SPIDR: variants seen among roughly 807,000 people sequenced by gnomAD.
The protein encoded by SPIDR is scaffold protein involved in DNA repair, also known as DNA repair-scaffolding protein.
A neutral mutation model predicts 104.6 loss-of-function variants in SPIDR; 93 were observed. That is an observed-to-expected ratio of 0.89 (90% CI 0.75 to 1.06). SPIDR has a LOEUF of 1.06. Ranked by LOEUF, SPIDR falls within the 50% of genes least tolerant of loss-of-function variation. The pLI, the probability that SPIDR is intolerant of heterozygous loss-of-function variation, is 0.00. For synonymous variants in SPIDR, 431 were observed against 416.9 expected (o/e 1.03, Z -0.41); for missense variants, 1,154 against 1,111.2 (o/e 1.04, Z -0.55).
At chr8:47,647,680 G>A (rs1377077264) in intron 10 of SPIDR, among the ~76,000 whole-genome samples, 2 of 142,788 alleles carry the variant, frequency 1.4e-5, no homozygotes, top group Non-Finnish European at 3.0e-5. Context: ...GAGAGAGGGA[G>A]AGAGAGAGAG....
At chr8:47,670,164 G>C (rs1397290902) in intron 10 of SPIDR, among the ~76,000 whole-genome samples, 1 of 152,058 alleles carries the variant, frequency 6.6e-6, no homozygotes, top group Admixed American at 6.6e-5. Flanking sequence ...ATGCAGCCTG[G>C]TCCTACCTCC....
chr8:47,337,530 C>T (rs1269348075), intron 5 of SPIDR, among the ~76,000 whole-genome samples: 1 of 150,542 alleles, frequency 6.6e-6, no homozygotes, highest in Admixed American at 6.6e-5. Context: ...TATTTTTTCC[C>T]ATCATTGGGT....
chr8:47,692,979 G>A (rs955841266), intron 11 of SPIDR, among the ~76,000 whole-genome samples: 107 of 152,338 alleles, frequency 7.0e-4, no homozygotes, highest in Middle Eastern at 3.4e-3. Flanking sequence ...GCTTTCCAGA[G>A]CGATGGCCTC....
chr8:47,260,919 C>T (rs2031926689), upstream of SPIDR: 2 of 1,219,174 alleles, frequency 1.6e-6, no homozygotes, highest in Non-Finnish European at 2.0e-6. Flanking sequence ...GGGACGGCGG[C>T]GCGCTGAGGA....
intron 7 of SPIDR, among the ~76,000 whole-genome samples, chr8:47,423,334 C>T (rs1363066511): frequency 6.7e-6 from 1 of 150,046 alleles, no homozygotes; most frequent in Non-Finnish European, 1.5e-5. Context: ...GAGCCAGGCA[C>T]AGTGGCTCAT....
intron 10 of SPIDR, among the ~76,000 whole-genome samples, chr8:47,622,660 C>CA (rs2065340756): frequency 6.6e-6 from 1 of 152,176 alleles, no homozygotes; most frequent in Non-Finnish European, 1.5e-5. Context: ...GTCCCAGGCA[C>CA]AGCATCGGCC....
chr8:47,547,820 G>T, intron 8 of SPIDR: 1 of 175,164 alleles, frequency 5.7e-6, no homozygotes. Context: ...CTCAACTTGT[G>T]GGGACTGGGG....
At chr8:47,504,751 T>TC (rs1206397236) in intron 8 of SPIDR, among the ~76,000 whole-genome samples, 3 of 152,188 alleles carry the variant, frequency 2.0e-5, no homozygotes, top group Non-Finnish European at 4.4e-5. Flanking sequence ...CTGTTTTTTC[T>TC]CCATCTTTGT....
chr8:47,396,734 CTGGAGCTGATTAATGGAAT>C, intron 6 of SPIDR, 108 bp downstream of exon 6: 1 of 1,168,302 alleles, frequency 8.6e-7, no homozygotes, highest in Non-Finnish European at 1.2e-6. Context: ...GTCCTAAATT[CTGGAGCTGATTAATGGAAT>C]GTTCATCGAA....
chr8:47,428,161 T>G (rs1449174223), intron 7 of SPIDR, among the ~76,000 whole-genome samples: 1 of 152,230 alleles, frequency 6.6e-6, no homozygotes, highest in African/African-American at 2.4e-5. Context: ...TGACCTCAAG[T>G]GATCTATCTG....
At chr8:47,518,792 A>G (rs2083549893) in intron 8 of SPIDR, among the ~76,000 whole-genome samples, 1 of 151,916 alleles carries the variant, frequency 6.6e-6, no homozygotes, top group South Asian at 2.1e-4. Context: ...GCCTGCCACC[A>G]CGCCTGGCTA....
At chr8:47,689,357 C>A (rs2078291010) in intron 11 of SPIDR, among the ~76,000 whole-genome samples, 1 of 152,184 alleles carries the variant, frequency 6.6e-6, no homozygotes, top group Non-Finnish European at 1.5e-5. Flanking sequence ...ATGAGATTAA[C>A]TTGAGTACCA....
chr8:47,309,525 A>G (rs781907768), intron 5 of SPIDR, among the ~76,000 whole-genome samples: 1 of 152,140 alleles, frequency 6.6e-6, no homozygotes, highest in Non-Finnish European at 1.5e-5. Context: ...GCTGAACTTT[A>G]GCTTAAAAGA....
intron 5 of SPIDR, among the ~76,000 whole-genome samples, chr8:47,384,742 T>G (rs1407334629): frequency 6.6e-6 from 1 of 152,200 alleles, no homozygotes; most frequent in Non-Finnish European, 1.5e-5. Flanking sequence ...CCCTCTGGGC[T>G]GGAGGCCATG....
chr8:47,619,906 G>A (rs900173757), intron 10 of SPIDR, among the ~76,000 whole-genome samples: 17 of 152,122 alleles, frequency 1.1e-4, no homozygotes, highest in Admixed American at 9.8e-4. Flanking sequence ...TTAAGGTGGT[G>A]TAGTTAAATG....
At chr8:47,428,075 A>T (rs367833265) in intron 7 of SPIDR, among the ~76,000 whole-genome samples, 1 of 152,214 alleles carries the variant, frequency 6.6e-6, no homozygotes, top group African/African-American at 2.4e-5. Flanking sequence ...GACGTGCGCC[A>T]CGACGCCTGG....
chr8:47,541,125 G>A (rs1342340927), intron 8 of SPIDR, among the ~76,000 whole-genome samples: 1 of 152,194 alleles, frequency 6.6e-6, no homozygotes, highest in Non-Finnish European at 1.5e-5. Flanking sequence ...CTCCCAAAAT[G>A]CTGGGATTAC....
intron 8 of SPIDR, among the ~76,000 whole-genome samples, chr8:47,562,872 T>A (rs1343068752): frequency 1.3e-5 from 2 of 152,184 alleles, no homozygotes; most frequent in Non-Finnish European, 2.9e-5. Context: ...CCAGCCTGAA[T>A]GCACGTTCAG....
intron 16 of SPIDR, among the ~76,000 whole-genome samples, chr8:47,722,689 C>G (rs989281352): frequency 6.6e-6 from 1 of 152,162 alleles, no homozygotes; most frequent in Non-Finnish European, 1.5e-5. Flanking sequence ...GATTGATTCT[C>G]AAAGATGAAA....
Sources: allele counts gnomAD v4.1 joint callset (sites outside exome capture counted in the v4.1 genomes callset), GRCh38; gene constraint gnomAD v4.1.1; transcripts MANE v1.5; gene names NCBI Gene and HGNC (gene_info 2026-07-23, HGNC 2026-07-21).